EML4: variants seen among roughly 807,000 people sequenced by gnomAD.
EML4 encodes echinoderm microtubule-associated protein-like 4.
A neutral mutation model predicts 129.0 loss-of-function variants in EML4; 72 were observed. The ratio of observed to expected loss-of-function variants is 0.56; its 90% CI spans 0.46 to 0.68. The LOEUF is 0.68. EML4 is among the 30% of genes least tolerant of loss of function. The pLI, the probability that EML4 is intolerant of heterozygous loss-of-function variation, is 0.00. For synonymous variants in EML4, 532 were observed against 405.0 expected (o/e 1.31, Z -3.77); for missense variants, 1,363 against 1,190.6 (o/e 1.14, Z -2.13).
chr2:42,207,938 G>A (rs1672656662), intron 1 of EML4: 1 of 152,102 alleles, frequency 6.6e-6, no homozygotes, highest in Admixed American at 6.5e-5. Context: ...GTGAAGATTG[G>A]TAATTGAGAG....
intron 6 of EML4, among the ~76,000 whole-genome samples, chr2:42,271,548 C>G (rs1278840483): frequency 2.0e-5 from 3 of 152,172 alleles, no homozygotes; most frequent in Non-Finnish European, 2.9e-5. Flanking sequence ...AGAACATGTT[C>G]TTGACATCCT....
intron 11 of EML4, among the ~76,000 whole-genome samples, chr2:42,291,313 A>G (rs1323760949): frequency 6.6e-6 from 1 of 152,200 alleles, no homozygotes; most frequent in Non-Finnish European, 1.5e-5. Flanking sequence ...CACCTTTATA[A>G]GTAGATTTCT....
chr2:42,214,252 C>T (rs1373864663), intron 1 of EML4, among the ~76,000 whole-genome samples: 2 of 152,124 alleles, frequency 1.3e-5, no homozygotes, highest in Non-Finnish European at 2.9e-5. Context: ...AGTACATTTA[C>T]TCATATGAAT....
intron 1 of EML4, among the ~76,000 whole-genome samples, chr2:42,242,580 A>T (rs1252639250): frequency 6.6e-6 from 1 of 152,110 alleles, no homozygotes; most frequent in African/African-American, 2.4e-5. Flanking sequence ...CATTTGGCCT[A>T]TCCTGTATCT....
chr2:42,297,622 A>C (rs2103692989), intron 13 of EML4, among the ~76,000 whole-genome samples: 1 of 152,240 alleles, frequency 6.6e-6, no homozygotes, highest in South Asian at 2.1e-4. Context: ...CAGTGAAATA[A>C]ATGGAAGTCC....
intron 6 of EML4, among the ~76,000 whole-genome samples, chr2:42,270,507 A>G (rs1007000696): frequency 4.6e-5 from 7 of 152,182 alleles, no homozygotes; most frequent in Admixed American, 4.6e-4. Context: ...AGAGCCTTGC[A>G]TTATGTTTTC....
At chr2:42,255,653 ATTTC>A (rs1676092820) in intron 2 of EML4, among the ~76,000 whole-genome samples, 1 of 152,164 alleles carries the variant, frequency 6.6e-6, no homozygotes. Flanking sequence ...TAAAAAAAAA[ATTTC>A]TTAAGAGGTT....
At chr2:42,233,309 C>CTT (rs1045073425) in intron 1 of EML4, among the ~76,000 whole-genome samples, 1 of 137,116 alleles carries the variant, frequency 7.3e-6, no homozygotes, top group Non-Finnish European at 1.6e-5. Context: ...AGGTTTCTTT[C>CTT]TTTTTTTTTT....
chr2:42,320,012 T>G (rs973843976), intron 19 of EML4: 2 of 152,210 alleles, frequency 1.3e-5, no homozygotes, highest in Non-Finnish European at 1.5e-5. Context: ...TAACAAATTA[T>G]AAGTTATATG....
rs1223548128 is a variant in EML4 at position 42,330,078 on chromosome 2, G to T, written c.2817G>T (p.Glu939Asp). ...QTVEPSEDHS[E>D]EESEEGSGDL... is the part of the protein sequence containing the mutation. ...TGGAGCCAAGTGAAGACCACAGCGA[G>T]GAGGAGAGTGAAGAGGGCAGCGGAG... Residue 939 changes from glutamate (E) to aspartate (D), a missense_variant, in exon 23 of 23, where the codon GAG becomes GAT. By Grantham distance (45) the Glu-to-Asp change is conservative. Coordinates refer to ENST00000318522, the MANE Select transcript of EML4 (RefSeq NM_019063.5). 1.2e-6 allele frequency: 2 copies of T among 1,613,160 alleles called. No homozygotes were observed. Among genetic ancestry groups the T allele is most frequent in the East Asian group, 4.5e-5 (2 of 44,846 alleles).
rs776477901 is a variant in EML4, at chr2:42,330,141, G to C, written c.2880G>C (p.Glu960Asp). Residue 960 changes from glutamate to aspartate, a missense_variant, in exon 23 of 23, where the codon GAG (glutamate) becomes GAC (aspartate). Glu to Asp is a conservative substitution (Grantham distance 45). Coordinates refer to ENST00000318522, the MANE Select transcript of EML4 (RefSeq NM_019063.5). ...CTCTTTATGAAGAGCCATGCAACGAGATAAGCAAGGAGCAGGCCAAAGCCA... is the reference window on the plus strand; with the variant it reads ...CTCTTTATGAAGAGCCATGCAACGACATAAGCAAGGAGCAGGCCAAAGCCA... Reference protein sequence around the residue: ...GEPLYEEPCNEISKEQAKATL... With the variant: ...GEPLYEEPCNDISKEQAKATL... The C allele has an allele frequency of 5.6e-6, 9 of 1,612,032 alleles. No homozygotes were observed. In the Admixed American group the frequency reaches 6.7e-5, roughly 12 times the overall value.
chr2:42,277,493 G>A (rs1313145976), intron 6 of EML4, among the ~76,000 whole-genome samples: 1 of 151,802 alleles, frequency 6.6e-6, no homozygotes, highest in Non-Finnish European at 1.5e-5. Flanking sequence ...CCTGTTCTTA[G>A]ATCAAACTCT....
At chr2:42,228,578 T>A (rs1307149416) in intron 1 of EML4, among the ~76,000 whole-genome samples, 1 of 152,226 alleles carries the variant, frequency 6.6e-6, no homozygotes, top group Non-Finnish European at 1.5e-5. Flanking sequence ...TAGGCCTACA[T>A]AGTGAGCTCT....
rs530254021 is a variant in EML4, at chr2:42,284,644, C to T, written c.952C>T (p.His318Tyr). The T allele has an allele frequency of 6.8e-6, 11 of 1,611,950 alleles. No homozygotes were observed. The South Asian group carries it at 9.9e-5, about 15-fold the overall frequency. ...AATACTGCTTTTTAGCCTTGCTATA[C>T]ATCCTGACAAAATTAGGATTGCAAC... ...HTDCVKCLAI[H>Y]PDKIRIATGQ... Residue 318 changes from histidine to tyrosine, a missense_variant, in exon 9 of 23, where the codon CAT (histidine) becomes TAT (tyrosine). Physicochemically the swap from His to Tyr is moderately conservative, Grantham distance 83. Coordinates refer to ENST00000318522, the MANE Select transcript of EML4 (RefSeq NM_019063.5).
At chr2:42,291,969 G>A (rs967467623) in intron 11 of EML4, among the ~76,000 whole-genome samples, 4 of 152,028 alleles carry the variant, frequency 2.6e-5, no homozygotes, top group Admixed American at 1.3e-4. Context: ...AATATCTTAC[G>A]TGAAAAAGAC....
At chr2:42,235,332 C>T (rs1045729162) in intron 1 of EML4, among the ~76,000 whole-genome samples, 2 of 149,894 alleles carry the variant, frequency 1.3e-5, no homozygotes, top group African/African-American at 4.9e-5. Context: ...TGGTGGCGTG[C>T]ACCTGTAATC....
chr2:42,285,132 CTCCTGGGCTCAAGT>C (rs1205792817), intron 9 of EML4, among the ~76,000 whole-genome samples: 1 of 151,964 alleles, frequency 6.6e-6, no homozygotes, highest in Non-Finnish European at 1.5e-5. Context: ...TGGGCTCAAA[CTCCTGGGCTCAAGT>C]GATCCTCCAG....
intron 3 of EML4, among the ~76,000 whole-genome samples, chr2:42,257,046 T>G (rs1300651430): frequency 6.6e-6 from 1 of 152,184 alleles, no homozygotes; most frequent in Non-Finnish European, 1.5e-5. Flanking sequence ...CTATTATAAC[T>G]TTTATTTTTT....
chr2:42,323,751 T>C lies in EML4; in HGVS notation c.2155-1716T>C, dbSNP rs182940067. On this transcript the variant is annotated intron_variant, in intron 19 of 22. Coordinates refer to ENST00000318522, the MANE Select transcript of EML4 (RefSeq NM_019063.5). Reference sequence around the variant, plus strand: ...GAATTCGAGACCAGCCTGGCTAATGTGGTGAAACCCCGTCTCTACCAAAAA... The same window carrying C: ...GAATTCGAGACCAGCCTGGCTAATGCGGTGAAACCCCGTCTCTACCAAAAA... Among the ~76,000 whole-genome samples the C allele has an allele frequency of 2.9e-3, 401 of 140,174 alleles. 2 individuals carry two copies. Among genetic ancestry groups the C allele is most frequent in the African/African-American group, 9.2e-3 (339 of 36,832 alleles). The allele number at this position is 140,174 out of a possible 152,430, so 92.0% of individuals were successfully genotyped here. A position where few individuals can be genotyped will look rare whatever the true frequency, so the allele number is the denominator to read the frequency against.
Sources: gnomAD v4.1 joint callset for allele counts (sites outside exome capture counted in the v4.1 genomes callset) on GRCh38, gnomAD v4.1.1 for gene constraint, MANE v1.5 for transcripts, NCBI Gene and HGNC (gene_info 2026-07-23, HGNC 2026-07-21) for gene names.